Variants in FMN2 observed in about 807,000 individuals in gnomAD.
FMN2 encodes formin-2.
A neutral mutation model predicts 142.3 loss-of-function variants in FMN2; 51 were observed. That is an observed-to-expected ratio of 0.36 (90% CI 0.29 to 0.45). The LOEUF (loss-of-function observed/expected upper bound fraction) is 0.45. Among genes scored for constraint, FMN2 ranks in the 20% least tolerant of loss-of-function variants. FMN2 has a pLI of 1.00. For missense variants in FMN2, 1,936 were observed against 2,122.8 expected, an observed-to-expected ratio of 0.91 and a Z score of 1.73; for synonymous variants, 882 against 869.8, an observed-to-expected ratio of 1.01 and a Z score of -0.25.
intron 13 of FMN2, among the ~76,000 whole-genome samples, chr1:240,354,503 T>A (rs1376714152): frequency 2.0e-5 from 3 of 152,132 alleles, no homozygotes; most frequent in African/African-American, 7.2e-5. Context: ...ATACATGGGC[T>A]ATAGATACAG....
intron 16 of FMN2, among the ~76,000 whole-genome samples, chr1:240,460,631 A>G (rs1676417783): frequency 6.6e-6 from 1 of 151,996 alleles, no homozygotes; most frequent in Admixed American, 6.6e-5. Flanking sequence ...AAATAAATAA[A>G]ATACATGTAA....
rs1432441519 is a variant in FMN2, at chr1:240,327,923, G to T, written c.4216-1153G>T. ...GCAGTTTGGGAGGCCGAGATGGGTG[G>T]ATCACCTGAGGTCAGGAGTTCAAGA... is the stretch of plus-strand genomic sequence containing the variant. On this transcript the variant is annotated intron_variant, in intron 8 of 17. Coordinates refer to ENST00000319653, the MANE Select transcript of FMN2 (RefSeq NM_020066.5). Among the ~76,000 whole-genome samples, 3 of 151,966 alleles carry T rather than the reference G, an allele frequency of 2.0e-5. No individual in the cohort carries two copies. In the East Asian group the frequency reaches 5.8e-4, roughly 30 times the overall value.
chr1:240,392,615 A>G (rs1477464618), intron 15 of FMN2, 53 bp downstream of exon 15: 2 of 1,437,330 alleles, frequency 1.4e-6, no homozygotes, highest in African/African-American at 2.9e-5. Context: ...TGCTAAGTGT[A>G]TTTCATCTTA....
chr1:240,170,393 G>A lies in FMN2; in HGVS notation c.1783-7528G>A, dbSNP rs186459965. ...CATGAAGGTGCTGGAATTGTGGGAA[G>A]TGTTGGTGAGGGAGTTGCTAAGCTG... On this transcript the variant is annotated intron_variant, in intron 2 of 17. Coordinates refer to ENST00000319653, the MANE Select transcript of FMN2 (RefSeq NM_020066.5). The A allele has an allele frequency of 1.4e-4, 163 of 1,206,160 alleles. No individual in the cohort carries two copies. In the African/African-American group the frequency reaches 2.0e-3, roughly 15 times the overall value. The allele number at this position is 1,206,160 out of a possible 1,614,324, so 74.7% of individuals were successfully genotyped here.
intron 6 of FMN2, chr1:240,245,216 A>G (rs1668037971): frequency 3.8e-6 from 1 of 259,748 alleles, no homozygotes; most frequent in African/African-American, 2.3e-5. Context: ...TTTTGAAAAT[A>G]GAAAATAGAA....
intron 8 of FMN2, among the ~76,000 whole-genome samples, chr1:240,310,094 G>A (rs1014847861): frequency 1.9e-4 from 29 of 152,100 alleles, no homozygotes; most frequent in Non-Finnish European, 1.2e-4. Flanking sequence ...TGCCTTAATA[G>A]TTTAATAATA....
intron 13 of FMN2, among the ~76,000 whole-genome samples, chr1:240,337,215 T>C (rs897714527): frequency 1.1e-4 from 16 of 142,984 alleles, no homozygotes; most frequent in African/African-American, 4.5e-4. Flanking sequence ...TTTTTTTTTT[T>C]TTTTTTTTTT....
At chr1:240,403,537 G>A (rs142750242) in intron 15 of FMN2, among the ~76,000 whole-genome samples, 2,215 of 152,222 alleles carry the variant, frequency 0.015, 25 homozygotes, top group South Asian at 0.03. Context: ...GAGAGGTTGA[G>A]GCAAGAGAAT....
intron 15 of FMN2, among the ~76,000 whole-genome samples, chr1:240,425,235 G>GAGAGAGAA (rs1308164333): frequency 3.3e-5 from 5 of 150,416 alleles, no homozygotes; most frequent in Admixed American, 3.3e-4. Context: ...GAGAGAGAGA[G>GAGAGAGAA]CCGTGAGACA....
At chr1:240,342,204 T>C (rs1012357972) in intron 13 of FMN2, among the ~76,000 whole-genome samples, 1 of 152,260 alleles carries the variant, frequency 6.6e-6, no homozygotes, top group Middle Eastern at 3.2e-3. Context: ...TTCCTCTTTA[T>C]ATGTTACCGT....
At chr1:240,338,595 C>T (rs1240491844) in intron 13 of FMN2, among the ~76,000 whole-genome samples, 2 of 152,096 alleles carry the variant, frequency 1.3e-5, no homozygotes, top group African/African-American at 2.4e-5. Flanking sequence ...TGCCGTCTAC[C>T]TTCATCCCTT....
chr1:240,166,576 T>A (rs1042193605), intron 2 of FMN2, among the ~76,000 whole-genome samples: 1 of 152,194 alleles, frequency 6.6e-6, no homozygotes, highest in Middle Eastern at 3.2e-3. Flanking sequence ...ATACTTTCAC[T>A]TGGCAACATA....
intron 2 of FMN2, among the ~76,000 whole-genome samples, chr1:240,158,578 A>C (rs1664131681): frequency 6.6e-6 from 1 of 152,106 alleles, no homozygotes; most frequent in Non-Finnish European, 1.5e-5. Flanking sequence ...TACTTTTATA[A>C]AAATCACATA....
At chr1:240,293,373 G>C (rs879089279) in intron 7 of FMN2, among the ~76,000 whole-genome samples, 1 of 152,058 alleles carries the variant, frequency 6.6e-6, no homozygotes, top group African/African-American at 2.4e-5. Flanking sequence ...TGGATTATTA[G>C]CTAGCTGATG....
At chr1:240,139,317 G>A (rs1320081937) in intron 2 of FMN2, among the ~76,000 whole-genome samples, 2 of 44,336 alleles carry the variant, frequency 4.5e-5, no homozygotes, top group Non-Finnish European at 9.2e-5. Context: ...GGGATGATTG[G>A]TTCAATTAAA....
intron 2 of FMN2, among the ~76,000 whole-genome samples, chr1:240,136,904 C>G (rs1327672851): frequency 1.3e-5 from 2 of 151,910 alleles, no homozygotes; most frequent in Non-Finnish European, 2.9e-5. Flanking sequence ...AACCCTGTCT[C>G]TACTACAAAT....
intron 13 of FMN2, among the ~76,000 whole-genome samples, chr1:240,338,231 A>C (rs1188566155): frequency 1.3e-5 from 2 of 152,316 alleles, no homozygotes; most frequent in African/African-American, 4.8e-5. Context: ...TTCATCAACT[A>C]TACCTTCAAG....
intron 2 of FMN2, among the ~76,000 whole-genome samples, chr1:240,136,631 A>G (rs1662951614): frequency 6.6e-6 from 1 of 152,096 alleles, no homozygotes; most frequent in Non-Finnish European, 1.5e-5. Context: ...CTTTTATTAA[A>G]AGGGGTGACT....
At chr1:240,138,615 G>A (rs1463625582) in intron 2 of FMN2, among the ~76,000 whole-genome samples, 2 of 152,076 alleles carry the variant, frequency 1.3e-5, no homozygotes, top group East Asian at 3.9e-4. Flanking sequence ...GCTGAGGCAA[G>A]AGAATCGCTT....
Sources: gnomAD v4.1 joint callset for allele counts (sites outside exome capture counted in the v4.1 genomes callset) on GRCh38, gnomAD v4.1.1 for gene constraint, MANE v1.5 for transcripts, NCBI Gene and HGNC (gene_info 2026-07-23, HGNC 2026-07-21) for gene names.